The following NAGA variants were observed in gnomAD, a reference collection of about 807,000 sequenced individuals.
NAGA encodes alpha-N-acetylgalactosaminidase, also known as Acetylgalactosaminidase, alpha-N- (alpha-galactosidase B).
In NAGA, 42 loss-of-function variants were observed where a neutral mutation model predicts 45.6. The ratio of observed to expected loss-of-function variants is 0.92; its 90% CI spans 0.72 to 1.19. The LOEUF is 1.19. Ranked by LOEUF, NAGA falls within the 50% of genes most tolerant of loss-of-function variation. NAGA has a pLI of 0.00. For synonymous variants in NAGA, 176 were observed against 203.1 expected, an observed-to-expected ratio of 0.87 and a Z score of 1.13; for missense variants, 493 against 544.8, an observed-to-expected ratio of 0.90 and a Z score of 0.95.
At chr22:42,069,099 A>T (rs934720262) in intron 1 of NAGA, among the ~76,000 whole-genome samples, 1 of 152,118 alleles carries the variant, frequency 6.6e-6, no homozygotes, top group Admixed American at 6.5e-5. Context: ...AAACTTAGCC[A>T]GGCGTGGTGG....
At chr22:42,066,545 G>A (rs1926740073) in intron 5 of NAGA, among the ~76,000 whole-genome samples, 165 bp downstream of exon 5, 1 of 152,210 alleles carries the variant, frequency 6.6e-6, no homozygotes, top group African/African-American at 2.4e-5. Context: ...CCTGCTCTTT[G>A]CGGCTACTTA....
chr22:42,058,354 A>C lies in NAGA; in HGVS notation c.*1925T>G. The C allele has an allele frequency of 6.6e-6, 1 of 152,230 alleles. No individual in the cohort carries two copies. The highest frequency in any genetic ancestry group is 1.9e-4 in the East Asian group (1 of 5,178). 9.4% of individuals were successfully genotyped at this position (152,230 alleles called of 1,614,324 possible). On this transcript the variant is annotated 3_prime_UTR_variant, in exon 9 of 9. Coordinates refer to ENST00000396398, the MANE Select transcript of NAGA (RefSeq NM_000262.3). Reference sequence around the variant, plus strand: ...AGAGATGAAATAATGGTACACGTTGATGGTTACTGGAGCTGGATGCTGGGT... The same window carrying C: ...AGAGATGAAATAATGGTACACGTTGCTGGTTACTGGAGCTGGATGCTGGGT...
intron 6 of NAGA, 36 bp downstream of exon 6, chr22:42,065,702 T>C (rs761412451): frequency 3.1e-6 from 5 of 1,612,510 alleles, no homozygotes; most frequent in South Asian, 1.1e-5. Context: ...TCGTCACAGA[T>C]GGTGGGCCTA....
intron 4 of NAGA, 101 bp from the exon 5 acceptor site, chr22:42,066,905 A>C: frequency 7.1e-7 from 1 of 1,415,528 alleles, no homozygotes; most frequent in Admixed American, 1.9e-5. Flanking sequence ...AACAAGCTCC[A>C]AACAGTAGGT....
In NAGA at chr22:42,065,810, C is replaced by A; in HGVS notation, c.687G>T (p.Leu229=). 2 of 1,614,178 alleles carry A rather than the reference C, an allele frequency of 1.2e-6. No homozygotes were observed. The highest frequency in any genetic ancestry group is 2.2e-5 in the East Asian group (1 of 44,868). ...TGTCCTGGTGCTCCACGAACCAATTCAGGATGGAGAGCACGCTCCACCAGG... is the reference window on the plus strand; with the variant it reads ...TGTCCTGGTGCTCCACGAACCAATTAAGGATGGAGAGCACGCTCCACCAGG... ...QDSWWSVLSI[L]NWFVEHQDIL... is the part of the protein sequence containing the mutation. Residue 229 remains leucine (L), a synonymous_variant, in exon 6 of 9, where the codon CTG becomes CTT. Transcript: ENST00000396398.
chr22:42,061,811 G>C (rs549504874), intron 7 of NAGA, among the ~76,000 whole-genome samples: 1 of 152,194 alleles, frequency 6.6e-6, no homozygotes, highest in South Asian at 2.1e-4. Context: ...AATTAGCCGG[G>C]TGTGGTGGCG....
chr22:42,068,289 G>C, intron 2 of NAGA, 150 bp downstream of exon 2: 1 of 1,296,024 alleles, frequency 7.7e-7, no homozygotes, highest in Non-Finnish European at 1.1e-6. Context: ...CATGGGGCTA[G>C]GTGTCAGACA....
In NAGA at chr22:42,067,852, G is replaced by T; in HGVS notation, c.237C>A (p.Asp79Glu). 1 of 1,613,426 alleles carries T rather than the reference G, an allele frequency of 6.2e-7. No individual in the cohort carries two copies. Among genetic ancestry groups the T allele is most frequent in the Non-Finnish European group, 8.5e-7 (1 of 1,179,972 alleles). Residue 79 changes from aspartate to glutamate, a missense_variant, in exon 3 of 9, where the codon GAC (aspartate) becomes GAA (glutamate). By Grantham distance (45) the Asp-to-Glu change is conservative. Coordinates refer to ENST00000396398, the MANE Select transcript of NAGA (RefSeq NM_000262.3). ...DMGYTYLNID[D>E]CWIGGRDASG... ...TGGCATCGCGACCACCGATCCAGCAGTCATCAATGTTGAGGTATGTGTAGC... is the reference window on the plus strand; with the variant it reads ...TGGCATCGCGACCACCGATCCAGCATTCATCAATGTTGAGGTATGTGTAGC...
At chr22:42,069,685 C>T (rs1381204354) in intron 1 of NAGA, among the ~76,000 whole-genome samples, 1 of 150,578 alleles carries the variant, frequency 6.6e-6, no homozygotes. Flanking sequence ...AATCATCTAA[C>T]ACAAAGCCTA....
At chr22:42,069,940 C>T (rs1926956351) in intron 1 of NAGA, among the ~76,000 whole-genome samples, 1 of 152,208 alleles carries the variant, frequency 6.6e-6, no homozygotes, top group Non-Finnish European at 1.5e-5. Context: ...CCAGGATGGG[C>T]ACCCAATCAG....
intron 2 of NAGA, 54 bp downstream of exon 2, chr22:42,068,385 C>G: frequency 6.2e-7 from 1 of 1,613,768 alleles, no homozygotes; most frequent in Non-Finnish European, 8.5e-7. Flanking sequence ...TTCCTGCCCC[C>G]GAATCTGCAG....
Position 42,067,200 on chromosome 22 carries a change from C to G in NAGA, c.415G>C (p.Val139Leu). Residue 139 changes from valine (V) to leucine (L), a missense_variant, in exon 4 of 9, where the codon GTC becomes CTC. Physicochemically the swap from Val to Leu is conservative, Grantham distance 32. Transcript: ENST00000396398. ...GYPGTTLDKV[V>L]QDAQTFAEWK... Reference sequence around the variant, plus strand: ...TCGGCGAAGGTCTGAGCATCCTGGACCACCTTGTCCAGTGTGGTGCCTGGG... The same window carrying G: ...TCGGCGAAGGTCTGAGCATCCTGGAGCACCTTGTCCAGTGTGGTGCCTGGG... 1 of 1,614,120 alleles carries G rather than the reference C, an allele frequency of 6.2e-7. No individual in the cohort carries two copies. Among genetic ancestry groups the G allele is most frequent in the Non-Finnish European group, 8.5e-7 (1 of 1,179,988 alleles).
At position 42,060,082 on chromosome 22, in the gene NAGA, C is replaced by T. The variant is rs186152131; in HGVS notation, c.*197G>A. The T allele has an allele frequency of 5.7e-5, 38 of 661,498 alleles. No individual in the cohort carries two copies. Among genetic ancestry groups the T allele is most frequent in the Non-Finnish European group, 9.5e-5 (37 of 388,858 alleles). 41.0% of individuals were successfully genotyped at this position (661,498 alleles called of 1,614,324 possible). A position where few individuals can be genotyped will look rare whatever the true frequency, so the allele number is the denominator to read the frequency against. On this transcript the variant is annotated 3_prime_UTR_variant, in exon 9 of 9. Transcript: ENST00000396398. ...GCCAGGAAGGCCACAGGAAAATTGC[C>T]CCAAAAGAAGTTTCCAAGAGGGTTT...
At chr22:42,060,520 G>C (rs1473346502) in intron 8 of NAGA, 107 bp from the exon 9 acceptor site, 3 of 1,503,832 alleles carry the variant, frequency 2.0e-6, no homozygotes, top group East Asian at 4.5e-5. Flanking sequence ...GCCTGTCTGT[G>C]CTGGGCTTCC....
At chr22:42,069,556 A>G (rs978747177) in intron 1 of NAGA, among the ~76,000 whole-genome samples, 2 of 146,748 alleles carry the variant, frequency 1.4e-5, no homozygotes, top group East Asian at 4.1e-4. Context: ...TGGAGGTTGC[A>G]GTGAGCCGAG....
At chr22:42,068,651 T>C in intron 1 of NAGA, 77 bp from the exon 2 acceptor site, 8 of 1,582,124 alleles carry the variant, frequency 5.1e-6, no homozygotes, top group Non-Finnish European at 6.9e-6. Context: ...CCCATCTGTA[T>C]GTTGCTCAGC....
chr22:42,061,772 C>T (rs759447870), intron 7 of NAGA, among the ~76,000 whole-genome samples: 2 of 151,304 alleles, frequency 1.3e-5, no homozygotes, highest in African/African-American at 2.4e-5. Context: ...ATGGTGAAAC[C>T]CTGTCTCTAC....
At chr22:42,065,942 C>G (rs774436195) in intron 5 of NAGA, 43 bp from the exon 6 acceptor site, 40 of 1,605,698 alleles carry the variant, frequency 2.5e-5, no homozygotes, top group Non-Finnish European at 3.3e-5. Context: ...CAGAATCACA[C>G]GCTGCAGCCC....
chr22:42,070,186 T>G, intron 1 of NAGA, 96 bp downstream of exon 1: 1 of 1,358,416 alleles, frequency 7.4e-7, no homozygotes, highest in Non-Finnish European at 1.1e-6. Flanking sequence ...GAGAGGAACC[T>G]GTCTCTCCAC....
Sources: allele counts gnomAD v4.1 joint callset (sites outside exome capture counted in the v4.1 genomes callset), GRCh38; gene constraint gnomAD v4.1.1; transcripts MANE v1.5; gene names NCBI Gene and HGNC (gene_info 2026-07-23, HGNC 2026-07-21).